Variants in EPRS1 observed in about 807,000 individuals in gnomAD.
The protein encoded by EPRS1 is glutamyl-prolyl-tRNA synthetase 1.
A neutral mutation model predicts 188.3 loss-of-function variants in EPRS1; 107 were observed. The ratio of observed to expected loss-of-function variants is 0.57; its 90% CI spans 0.49 to 0.67. The LOEUF is 0.67. Ranked by LOEUF, EPRS1 falls within the 30% of genes least tolerant of loss-of-function variation. The pLI, the probability that EPRS1 is intolerant of heterozygous loss-of-function variation, is 0.00. For missense variants in EPRS1, 1,577 were observed against 1,802.2 expected (o/e 0.88, Z 2.26); for synonymous variants, 596 against 593.1 (o/e 1.00, Z -0.07).
rs767777855 is a variant in EPRS1 at position 219,968,827 on chromosome 1, G to A, written c.4518C>T (p.Thr1506=). The change falls in exon 32 of 32, where the codon ACC becomes ACT. Residue 1506 remains threonine, a synonymous_variant. Coordinates refer to ENST00000366923, the MANE Select transcript of EPRS1 (RefSeq NM_004446.3). The part of the protein sequence containing the change: ...VCGKNPAKYY[T]LFGRSY The stretch of plus-strand genomic sequence containing the variant: ...TCCCTCAGTAGCTGCGACCAAATAA[G>A]GTGTAGTACTTGGCAGGGTTCTTGC... 9 of 1,614,042 alleles carry A rather than the reference G, an allele frequency of 5.6e-6. No homozygotes were observed. In the East Asian group the frequency reaches 2.0e-4, roughly 36 times the overall value.
intron 4 of EPRS1, 143 bp from the exon 5 acceptor site, chr1:220,032,669 T>G (rs1662109277): frequency 1.3e-6 from 1 of 799,276 alleles, no homozygotes; most frequent in South Asian, 1.6e-5. Flanking sequence ...GGATATACAC[T>G]GAACTGTTTT....
intron 23 of EPRS1, 120 bp downstream of exon 23, chr1:219,982,652 T>G (rs988283838): frequency 8.2e-6 from 6 of 728,124 alleles, no homozygotes; most frequent in Non-Finnish European, 1.4e-5. Context: ...TCAACATTCA[T>G]GAAATGTTAT....
chr1:219,969,063 A>C lies in EPRS1; in HGVS notation c.4383T>G (p.Thr1461=). Residue 1461 remains threonine (T), a synonymous_variant, in exon 31 of 32, where the codon ACT becomes ACG. Transcript: ENST00000366923. ...IDCEDWIKKT[T]ARDQDLEPGA... ...TGCCAGTTAATTAGGTTTACCTGGCAGTGGTCTTTTTGATCCAGTCCTCAC... is the reference window on the plus strand; with the variant it reads ...TGCCAGTTAATTAGGTTTACCTGGCCGTGGTCTTTTTGATCCAGTCCTCAC... 4 of 1,613,044 alleles carry C rather than the reference A, an allele frequency of 2.5e-6. No homozygotes were observed. The highest frequency in any genetic ancestry group is 2.7e-5 in the African/African-American group (2 of 75,050).
At position 220,005,829 on chromosome 1, in the gene EPRS1, G is replaced by GTTT. The variant is rs879818549; in HGVS notation, c.1950+274_1950+276dup. Reference sequence around the variant, plus strand: ...CATTACTTACATCGTTTTTTTTTTTGTTTTTTTTTTTGTTTTTTTTTGTAG... The same window carrying GTTT: ...CATTACTTACATCGTTTTTTTTTTTGTTTTTTTTTTTTTTGTTTTTTTTTGTAG... On this transcript the variant is annotated intron_variant, in intron 15 of 31. Coordinates refer to ENST00000366923, the MANE Select transcript of EPRS1 (RefSeq NM_004446.3). Among the ~76,000 whole-genome samples the GTTT allele has an allele frequency of 2.1e-3, 98 of 45,708 alleles. 3 individuals are homozygous for GTTT. The highest frequency in any genetic ancestry group is 6.2e-3 in the African/African-American group (69 of 11,128). 30.0% of individuals were successfully genotyped at this position (45,708 alleles called of 152,430 possible).
chr1:220,011,093 T>C (rs1221154512), intron 12 of EPRS1, 37 bp from the exon 13 acceptor site: 2 of 1,184,386 alleles, frequency 1.7e-6, no homozygotes, highest in Non-Finnish European at 2.5e-6. Flanking sequence ...AACACTGCGA[T>C]ATCTTATAGA....
chr1:220,040,098 CA>C, intron 2 of EPRS1, 86 bp downstream of exon 2: 1 of 844,330 alleles, frequency 1.2e-6, no homozygotes, highest in Non-Finnish European at 1.9e-6. Context: ...CCAGCCTGGG[CA>C]AAAGAGGGAG....
rs761751918 is a variant in EPRS1 at position 219,978,637 on chromosome 1, C to T, written c.3992G>A (p.Arg1331Gln). The T allele has an allele frequency of 5.0e-6, 8 of 1,611,832 alleles. No individual in the cohort carries two copies. The highest frequency in any genetic ancestry group is 1.6e-4 in the Middle Eastern group (1 of 6,080). The change falls in exon 28 of 32, where the codon CGA becomes CAA. Residue 1331 changes from arginine to glutamine, a missense_variant. Physicochemically the swap from Arg to Gln is conservative, Grantham distance 43 (BLOSUM62 1). This residue lies in a region of EPRS1 where 296 missense variants were observed against 327.9 expected (regional missense o/e 0.90). Transcript: ENST00000366923. The stretch of plus-strand genomic sequence containing the variant: ...GATGTTAACACTGAGTAATCGCCTT[C>T]GATAATCATTGCATTTTGCAATCAG... The part of the protein sequence containing the change: ...EALIAKCNDY[R>Q]RRLLSVNIRV...
rs767205899 is a variant in EPRS1, at chr1:220,041,329, CA to C, written c.47-1061del. 5.1e-3 allele frequency among the ~76,000 whole-genome samples: 658 copies of C among 128,828 alleles called. 5 individuals carry two copies. The highest frequency in any genetic ancestry group is 0.015 in the African/African-American group (515 of 35,470). 84.5% of individuals were successfully genotyped at this position (128,828 alleles called of 152,430 possible). On this transcript the variant is annotated intron_variant, in intron 1 of 31. Coordinates refer to ENST00000366923, the MANE Select transcript of EPRS1 (RefSeq NM_004446.3). ...CCTGAATGACACAGCGAAACTGTCT[CA>C]AAAAAAAAAAAATGAGAGATACTTT...
chr1:219,989,409 ACT>A (rs930565341), intron 18 of EPRS1, among the ~76,000 whole-genome samples: 2 of 151,640 alleles, frequency 1.3e-5, no homozygotes, highest in African/African-American at 4.9e-5. Context: ...GACACTTGTG[ACT>A]CTCTAGCAGA....
intron 2 of EPRS1, among the ~76,000 whole-genome samples, chr1:220,038,434 A>G (rs1051420205): frequency 5.1e-5 from 6 of 116,720 alleles, no homozygotes; most frequent in African/African-American, 1.7e-4. Flanking sequence ...TCTGTCATCC[A>G]TGCTGGAGTG....
chr1:220,018,314 C>A lies in EPRS1; in HGVS notation c.1494+135G>T, dbSNP rs1328301383. 7.4e-6 allele frequency: 7 copies of A among 940,080 alleles called. No individual in the cohort carries two copies. In the African/African-American group the frequency reaches 1.2e-4, roughly 16 times the overall value. 58.2% of individuals were successfully genotyped at this position (940,080 alleles called of 1,614,324 possible). A position where few individuals can be genotyped will look rare whatever the true frequency, so the allele number is the denominator to read the frequency against. On this transcript the variant is annotated intron_variant, in intron 12 of 31. Transcript: ENST00000366923. ...GTGTATTTAAAAAAGGAAAACATTC[C>A]ATTTTCCTGAAAGTCTGCAAAATGT...
At chr1:219,998,952 G>A (rs1268407685) in intron 17 of EPRS1, among the ~76,000 whole-genome samples, 1 of 150,342 alleles carries the variant, frequency 6.7e-6, no homozygotes, top group Non-Finnish European at 1.5e-5. Flanking sequence ...ACTGCCTTGT[G>A]TGTGATTTTT....
At chr1:220,045,251 G>T (rs1409359333) in intron 1 of EPRS1, among the ~76,000 whole-genome samples, 1 of 152,186 alleles carries the variant, frequency 6.6e-6, no homozygotes, top group African/African-American at 2.4e-5. Flanking sequence ...TGTAATCCTA[G>T]TACTTTGGGA....
chr1:219,997,339 A>C lies in EPRS1; in HGVS notation c.2185T>G (p.Ser729Ala), dbSNP rs1661257239. The C allele has an allele frequency of 1.9e-6, 3 of 1,567,552 alleles. No homozygotes were observed. Among genetic ancestry groups the C allele is most frequent in the Non-Finnish European group, 2.6e-6 (3 of 1,162,216 alleles). Residue 729 changes from serine (S) to alanine (A), a missense_variant, in exon 18 of 32, where the codon TCT becomes GCT. By Grantham distance (99) the Ser-to-Ala change is moderately conservative (BLOSUM62 1). Coordinates refer to ENST00000366923, the MANE Select transcript of EPRS1 (RefSeq NM_004446.3). ...GTTGGTCTTTCCTTAAAAGGAGCAGAGGTCTACCAAGAGAGAAAACCAAAA... is the reference window on the plus strand; with the variant it reads ...GTTGGTCTTTCCTTAAAAGGAGCAGCGGTCTACCAAGAGAGAAAACCAAAA... ...TKVEATKNET[S>A]APFKERPTPS...
In EPRS1 at chr1:219,973,249, G is replaced by A. The variant is rs536837779; in HGVS notation, c.4233C>T (p.Thr1411=). 302 of 1,611,638 alleles carry A rather than the reference G, an allele frequency of 1.9e-4. 2 individuals carry two copies. The East Asian group carries it at 2.8e-3, about 15-fold the overall frequency. The change falls in exon 29 of 32, where the codon ACC becomes ACT. Residue 1411 remains threonine (T), a synonymous_variant. Transcript: ENST00000366923. ...TTTTAAGAAACTACCTTGTGAAAAG[G>A]GTGACCTGGATGTCTTCCAAAATAG... is the stretch of plus-strand genomic sequence containing the variant. ...LQAILEDIQV[T]LFTRASEDLK...
chr1:220,027,635 G>A (rs970411231), intron 6 of EPRS1, among the ~76,000 whole-genome samples: 27 of 139,630 alleles, frequency 1.9e-4, no homozygotes, highest in Non-Finnish European at 3.4e-4. Context: ...AAAGACTAAT[G>A]CAAACAACTA....
At chr1:220,029,304 G>C (rs760530445) in intron 6 of EPRS1, among the ~76,000 whole-genome samples, 1 of 152,068 alleles carries the variant, frequency 6.6e-6, no homozygotes, top group Non-Finnish European at 1.5e-5. Flanking sequence ...TAACGATCAA[G>C]TCTGTGAATT....
In EPRS1 at chr1:220,005,364, T is replaced by TACA. The variant is rs1661438451; in HGVS notation, c.1951-5_1951-4insTGT. On this transcript the variant is annotated splice_region_variant and splice_polypyrimidine_tract_variant and intron_variant, in intron 15 of 31. Coordinates refer to ENST00000366923, the MANE Select transcript of EPRS1 (RefSeq NM_004446.3). Reference sequence around the variant, plus strand: ...CCCCTAGCATTAGCTCTTCATGCTGTAAAGATGATATAAACCAAAGTACAC... The same window carrying TACA: ...CCCCTAGCATTAGCTCTTCATGCTGTACAAAAGATGATATAAACCAAAGTACAC... 1 of 1,377,276 alleles carries TACA rather than the reference T, an allele frequency of 7.3e-7. No homozygotes were observed. Among genetic ancestry groups the TACA allele is most frequent in the African/African-American group, 2.6e-5 (1 of 38,438 alleles). The allele number at this position is 1,377,276 out of a possible 1,614,324, so 85.3% of individuals were successfully genotyped here.
chr1:220,038,551 C>A (rs1215848793), intron 2 of EPRS1, among the ~76,000 whole-genome samples: 1 of 150,946 alleles, frequency 6.6e-6, no homozygotes, highest in Non-Finnish European at 1.5e-5. Context: ...AATTTTTCCT[C>A]TTTTTTTTGT....
Sources: gnomAD v4.1 joint callset for allele counts (sites outside exome capture counted in the v4.1 genomes callset) on GRCh38, gnomAD v4.1.1 for gene constraint, gnomAD v4.1.1 regional missense constraint, MANE v1.5 for transcripts, NCBI Gene and HGNC (gene_info 2026-07-23, HGNC 2026-07-21) for gene names.